Variants in KLHL32 observed in about 807,000 individuals in gnomAD.
The protein encoded by KLHL32 is kelch-like protein 32.
KLHL32 carries 35 observed loss-of-function variants against 64.8 expected under a neutral mutation model. The observed-to-expected ratio is 0.54, with a 90% CI of 0.41 to 0.72. The LOEUF (loss-of-function observed/expected upper bound fraction) is 0.72. Among genes scored for constraint, KLHL32 ranks in the 30% least tolerant of loss-of-function variants. KLHL32 has a pLI of 0.00. For synonymous variants in KLHL32, 259 were observed against 281.0 expected, an observed-to-expected ratio of 0.92 and a Z score of 0.78; for missense variants, 589 against 768.5, an observed-to-expected ratio of 0.77 and a Z score of 2.76.
chr6:96,912,972 G>A, the KLHL32 span, among the ~76,000 whole-genome samples: 1 of 152,204 alleles, frequency 6.6e-6, no homozygotes, highest in Non-Finnish European at 1.5e-5. Flanking sequence ...ATTCCTAGGA[G>A]AAGCTCGCAA....
upstream of KLHL32, among the ~76,000 whole-genome samples, chr6:96,920,180 A>C (rs573337845): frequency 6.6e-6 from 1 of 152,336 alleles, no homozygotes; most frequent in East Asian, 1.9e-4. Context: ...GGTCAGGGAA[A>C]GGGACCTGGT....
At chr6:96,982,592 T>C (rs965191068) in intron 3 of KLHL32, among the ~76,000 whole-genome samples, 1 of 152,212 alleles carries the variant, frequency 6.6e-6, no homozygotes, top group African/African-American at 2.4e-5. Context: ...AAGAGGTCCT[T>C]CACATCCCTT....
chr6:97,034,261 A>G (rs1029277886), intron 3 of KLHL32, among the ~76,000 whole-genome samples: 10 of 152,090 alleles, frequency 6.6e-5, no homozygotes, highest in Non-Finnish European at 1.5e-4. Flanking sequence ...CCTGCACCGT[A>G]TATTGAAAAG....
At chr6:97,095,261 C>T (rs1206133) in intron 6 of KLHL32, among the ~76,000 whole-genome samples, 108,262 of 152,086 alleles carry the variant, frequency 0.71, 38,782 homozygotes, top group South Asian at 0.78. Context: ...ATCAATTTCT[C>T]ATTCTGCCCA....
chr6:97,029,142 C>T (rs546851595), intron 3 of KLHL32, among the ~76,000 whole-genome samples: 1 of 152,146 alleles, frequency 6.6e-6, no homozygotes, highest in East Asian at 1.9e-4. Context: ...TTTTTTTATT[C>T]CACCCTTTCC....
At chr6:96,936,621 T>C (rs1770635574) in intron 1 of KLHL32, among the ~76,000 whole-genome samples, 1 of 152,236 alleles carries the variant, frequency 6.6e-6, no homozygotes, top group Non-Finnish European at 1.5e-5. Context: ...CATTACCTGT[T>C]GCTTAAATCA....
At chr6:96,962,426 T>C (rs1406294221) in intron 1 of KLHL32, among the ~76,000 whole-genome samples, 1 of 151,932 alleles carries the variant, frequency 6.6e-6, no homozygotes, top group Non-Finnish European at 1.5e-5. Flanking sequence ...TTTCTGGGGG[T>C]TAATGCCCAG....
chr6:96,961,593 C>T (rs928891768), intron 1 of KLHL32, among the ~76,000 whole-genome samples: 5 of 151,994 alleles, frequency 3.3e-5, no homozygotes, highest in Non-Finnish European at 7.4e-5. Flanking sequence ...CTGCAATGTG[C>T]AGGGCCAGGG....
intron 7 of KLHL32, among the ~76,000 whole-genome samples, chr6:97,118,351 G>A (rs1476980029): frequency 1.3e-5 from 2 of 152,160 alleles, no homozygotes; most frequent in Non-Finnish European, 2.9e-5. Context: ...GGGTGCAGTG[G>A]CTCACGCCAG....
chr6:97,025,180 T>C, intron 3 of KLHL32: 2 of 903,522 alleles, frequency 2.2e-6, no homozygotes, highest in Non-Finnish European at 2.6e-6. Context: ...TCTGTAGAAA[T>C]GCCATGATTC....
chr6:97,138,452 T>G (rs527748303), intron 10 of KLHL32, among the ~76,000 whole-genome samples: 1 of 151,962 alleles, frequency 6.6e-6, no homozygotes, highest in Admixed American at 6.6e-5. Flanking sequence ...GGCAGGAGGA[T>G]TGCTTGAGCC....
chr6:96,935,006 G>A (rs747508416), intron 1 of KLHL32, among the ~76,000 whole-genome samples: 3 of 152,212 alleles, frequency 2.0e-5, no homozygotes, highest in Non-Finnish European at 4.4e-5. Flanking sequence ...ATTTTGAAGA[G>A]ATATGCAATT....
chr6:97,039,058 C>G (rs1451885145), intron 3 of KLHL32, among the ~76,000 whole-genome samples: 11 of 147,836 alleles, frequency 7.4e-5, no homozygotes, highest in African/African-American at 2.8e-4. Flanking sequence ...CCACTGCACT[C>G]CAGCCTGGGT....
chr6:96,945,019 T>G (rs1771754288), intron 1 of KLHL32, among the ~76,000 whole-genome samples: 1 of 152,238 alleles, frequency 6.6e-6, no homozygotes, highest in South Asian at 2.1e-4. Context: ...GATTAAAGTG[T>G]ATGAGTTCTG....
chr6:96,987,738 C>T (rs1777291607), intron 3 of KLHL32, among the ~76,000 whole-genome samples: 2 of 152,196 alleles, frequency 1.3e-5, no homozygotes, highest in South Asian at 4.1e-4. Flanking sequence ...CAGCAAGGTA[C>T]TGGTACCAAA....
At chr6:97,022,960 G>A (rs1443013672) in intron 3 of KLHL32, among the ~76,000 whole-genome samples, 1 of 152,174 alleles carries the variant, frequency 6.6e-6, no homozygotes, top group African/African-American at 2.4e-5. Flanking sequence ...TCTTCACAAG[G>A]TGGTAGGAGC....
chr6:97,003,094 A>G (rs1483183089), intron 3 of KLHL32, among the ~76,000 whole-genome samples: 2 of 152,158 alleles, frequency 1.3e-5, no homozygotes, highest in Non-Finnish European at 2.9e-5. Context: ...CAATGGCTAA[A>G]CTAATTTACA....
intron 1 of KLHL32, among the ~76,000 whole-genome samples, chr6:96,926,089 A>G (rs1200249877): frequency 6.6e-6 from 1 of 152,174 alleles, no homozygotes; most frequent in African/African-American, 2.4e-5. Flanking sequence ...AACTTGTAAC[A>G]CAGTACTTGA....
At chr6:96,981,165 T>C (rs1481037125) in intron 3 of KLHL32, among the ~76,000 whole-genome samples, 1 of 152,172 alleles carries the variant, frequency 6.6e-6, no homozygotes, top group African/African-American at 2.4e-5. Flanking sequence ...AAGCTACAGT[T>C]CAAAATGAGA....
Sources: gnomAD v4.1 joint callset for allele counts (sites outside exome capture counted in the v4.1 genomes callset) on GRCh38, gnomAD v4.1.1 for gene constraint, MANE v1.5 for transcripts, NCBI Gene and HGNC (gene_info 2026-07-23, HGNC 2026-07-21) for gene names.